Variants in SLC35F2 observed in about 807,000 individuals in gnomAD.
SLC35F2 encodes the protein queuine/queuosine transporter SLC35F2.
SLC35F2 carries 25 observed loss-of-function variants against 38.1 expected under a neutral mutation model. The ratio of observed to expected loss-of-function variants is 0.66; its 90% CI spans 0.48 to 0.92. SLC35F2 has a LOEUF of 0.92. Ranked by LOEUF, SLC35F2 falls within the 40% of genes least tolerant of loss-of-function variation. The probability of loss-of-function intolerance (pLI) is 0.00; values close to 1 mark genes in which losing one functional copy is unlikely to be tolerated. For missense variants in SLC35F2, 409 were observed against 452.9 expected (o/e 0.90, Z 0.88); for synonymous variants, 173 against 181.7 (o/e 0.95, Z 0.38).
At chr11:107,825,623 C>T (rs1304821247) in intron 1 of SLC35F2, among the ~76,000 whole-genome samples, 2 of 152,046 alleles carry the variant, frequency 1.3e-5, no homozygotes, top group Non-Finnish European at 2.9e-5. Flanking sequence ...CCCACCTCGG[C>T]CCCCCAAAGT....
At chr11:107,812,396 G>A (rs897392247) in intron 2 of SLC35F2, among the ~76,000 whole-genome samples, 6 of 152,120 alleles carry the variant, frequency 3.9e-5, no homozygotes, top group Non-Finnish European at 8.8e-5. Context: ...TCCCAAATGG[G>A]CACAGTGGTG....
intron 1 of SLC35F2, among the ~76,000 whole-genome samples, chr11:107,845,932 G>A (rs1740437889): frequency 6.7e-6 from 1 of 149,066 alleles, no homozygotes; most frequent in Admixed American, 6.9e-5. Flanking sequence ...CAGCCTGGGC[G>A]ACAGACTGAG....
chr11:107,843,868 A>AATATAT (rs1178673709), intron 1 of SLC35F2, among the ~76,000 whole-genome samples: 104 of 46,806 alleles, frequency 2.2e-3, no homozygotes, highest in Middle Eastern at 0.019. Context: ...AAAAAAAAAA[A>AATATAT]ATATATATAT....
chr11:107,802,819 G>C (rs531963617), intron 7 of SLC35F2, among the ~76,000 whole-genome samples, 182 bp downstream of exon 7: 46 of 152,168 alleles, frequency 3.0e-4, no homozygotes, highest in Admixed American at 9.8e-4. Context: ...AAAAACCCTA[G>C]AAGGACAATT....
intron 1 of SLC35F2, among the ~76,000 whole-genome samples, chr11:107,832,117 T>C (rs1184369038): frequency 6.6e-6 from 1 of 152,176 alleles, no homozygotes; most frequent in Non-Finnish European, 1.5e-5. Context: ...TGAGCTAATT[T>C]TGCAGTATTC....
intron 1 of SLC35F2, chr11:107,821,581 T>C: frequency 1.0e-6 from 1 of 985,450 alleles, no homozygotes; most frequent in Non-Finnish European, 1.2e-6. Flanking sequence ...CATGTTTGTA[T>C]AAATTTGTAC....
intron 6 of SLC35F2, among the ~76,000 whole-genome samples, chr11:107,803,992 ATT>A (rs71047624): frequency 0.011 from 1,431 of 135,754 alleles, 16 homozygotes; most frequent in African/African-American, 0.033. Context: ...TGCCCGGATA[ATT>A]TTTTTTTTTT....
At chr11:107,793,333 T>C (rs1370949944) in intron 7 of SLC35F2, among the ~76,000 whole-genome samples, 2 of 152,170 alleles carry the variant, frequency 1.3e-5, no homozygotes, top group Non-Finnish European at 2.9e-5. Flanking sequence ...GCCACCTGGA[T>C]CCTTGGATCT....
Position 107,845,692 on chromosome 11 carries a change from C to G in SLC35F2, c.110+12966G>C, listed in dbSNP as rs188690697. On this transcript the variant is annotated intron_variant, in intron 1 of 7. Coordinates refer to ENST00000525815, the MANE Select transcript of SLC35F2 (RefSeq NM_017515.5). ...CTCTGGCTGGGCACGGTGGCTCATGCCTGTAATCCCAGCACTTTGGGAGGC... is the reference window on the plus strand; with the variant it reads ...CTCTGGCTGGGCACGGTGGCTCATGGCTGTAATCCCAGCACTTTGGGAGGC... Among the ~76,000 whole-genome samples, 176 of 152,024 alleles carry G rather than the reference C, an allele frequency of 1.2e-3. 1 individual carries two copies. The highest frequency in any genetic ancestry group is 4.1e-3 in the African/African-American group (171 of 41,456).
Sources: gnomAD v4.1 joint callset for allele counts (sites outside exome capture counted in the v4.1 genomes callset) on GRCh38, gnomAD v4.1.1 for gene constraint, MANE v1.5 for transcripts, NCBI Gene and HGNC (gene_info 2026-07-23, HGNC 2026-07-21) for gene names.